The following SEMA4D variants were observed in gnomAD, a reference collection of about 807,000 sequenced individuals.
The protein encoded by SEMA4D is semaphorin 4D.
In SEMA4D, 22 loss-of-function variants were observed where a neutral mutation model predicts 74.8. That is an observed-to-expected ratio of 0.29 (90% confidence interval 0.21 to 0.42). The LOEUF (loss-of-function observed/expected upper bound fraction) is 0.42. Ranked by LOEUF, SEMA4D falls within the 10% of genes least tolerant of loss-of-function variation. The probability of loss-of-function intolerance (pLI) is 1.00; values close to 1 mark genes in which losing one functional copy is unlikely to be tolerated. For synonymous variants in SEMA4D, 445 were observed against 463.7 expected, an observed-to-expected ratio of 0.96 and a Z score of 0.52; for missense variants, 937 against 1,118.4, an observed-to-expected ratio of 0.84 and a Z score of 2.31.
chr9:89,392,190 G>A (rs185375791), intron 8 of SEMA4D, among the ~76,000 whole-genome samples: 80 of 152,264 alleles, frequency 5.3e-4, no homozygotes, highest in East Asian at 4.8e-3. Context: ...ATCCATTTTT[G>A]GGGGGTTAGT....
chr9:89,425,803 T>A (rs1847971382), intron 2 of SEMA4D, among the ~76,000 whole-genome samples: 1 of 152,188 alleles, frequency 6.6e-6, no homozygotes, highest in Admixed American at 6.5e-5. Context: ...AGAGGTGAGA[T>A]GCCCTCCCGG....
At chr9:89,405,939 A>G (rs139555057) in intron 2 of SEMA4D, 30,219 of 1,162,408 alleles carry the variant, frequency 0.026, 453 homozygotes, top group Non-Finnish European at 0.029. Flanking sequence ...CCCAGAACAC[A>G]GGACAGACAC....
downstream of SEMA4D, among the ~76,000 whole-genome samples, chr9:89,376,131 G>A (rs533677774): frequency 6.2e-4 from 94 of 152,258 alleles, no homozygotes; most frequent in Middle Eastern, 3.4e-3. Context: ...AATCTTTTCC[G>A]CTTTTAAATA....
At chr9:89,388,527 T>C in intron 11 of SEMA4D, 109 bp downstream of exon 11, 1 of 1,369,950 alleles carries the variant, frequency 7.3e-7, no homozygotes, top group African/African-American at 1.5e-5. Flanking sequence ...GCAGAGAGCC[T>C]TGGCGTGGCC....
chr9:89,417,059 T>C (rs1020585720), intron 2 of SEMA4D, among the ~76,000 whole-genome samples: 1 of 152,234 alleles, frequency 6.6e-6, no homozygotes, highest in African/African-American at 2.4e-5. Context: ...GGAATTCTCT[T>C]ACTGCTTAAT....
At chr9:89,463,092 C>T (rs1857747510) in intron 1 of SEMA4D, among the ~76,000 whole-genome samples, 1 of 151,448 alleles carries the variant, frequency 6.6e-6, no homozygotes, top group African/African-American at 2.4e-5. Flanking sequence ...ACCTAGAAGG[C>T]TTCTGGCACT....
chr9:89,434,148 G>T (rs1270914335), intron 2 of SEMA4D, among the ~76,000 whole-genome samples: 1 of 152,156 alleles, frequency 6.6e-6, no homozygotes, highest in African/African-American at 2.4e-5. Context: ...CTCAGCCCCG[G>T]AGCAGCAGTA....
chr9:89,389,346 G>A (rs1839293500), intron 9 of SEMA4D, among the ~76,000 whole-genome samples: 1 of 152,176 alleles, frequency 6.6e-6, no homozygotes, highest in Non-Finnish European at 1.5e-5. Context: ...ATTCAGTCCT[G>A]CAACCGCAGA....
chr9:89,496,387 A>T (rs1647174470), intron 1 of SEMA4D, among the ~76,000 whole-genome samples: 1 of 150,984 alleles, frequency 6.6e-6, no homozygotes, highest in African/African-American at 2.4e-5. Flanking sequence ...CCGTCTACCA[A>T]CTCCTAAGCG....
intron 2 of SEMA4D, among the ~76,000 whole-genome samples, chr9:89,412,274 G>C (rs1050469218): frequency 6.6e-6 from 1 of 152,220 alleles, no homozygotes; most frequent in African/African-American, 2.4e-5. Context: ...CCAGTGAAGA[G>C]AGATTGAAAA....
chr9:89,403,509 G>A (rs934186228), intron 3 of SEMA4D, among the ~76,000 whole-genome samples: 19 of 152,174 alleles, frequency 1.2e-4, no homozygotes, highest in South Asian at 4.1e-4. Flanking sequence ...TTCTTTTGGA[G>A]AATATATCCA....
At chr9:89,483,052 A>G (rs1392985510) in intron 1 of SEMA4D, among the ~76,000 whole-genome samples, 1 of 152,210 alleles carries the variant, frequency 6.6e-6, no homozygotes, top group Non-Finnish European at 1.5e-5. Flanking sequence ...TATTTTAAAA[A>G]TCGCCTTCTC....
chr9:89,497,582 C>G (rs1403503748), intron 1 of SEMA4D: 1 of 152,344 alleles, frequency 6.6e-6, no homozygotes, highest in African/African-American at 2.4e-5. Context: ...CCCCCGCTCC[C>G]CCGCGCCCAG....
intron 2 of SEMA4D, among the ~76,000 whole-genome samples, chr9:89,416,826 T>C (rs1408721234): frequency 1.3e-5 from 2 of 152,230 alleles, no homozygotes; most frequent in Non-Finnish European, 2.9e-5. Context: ...AGACCAAAAA[T>C]TGAAACCCAC....
intron 5 of SEMA4D, among the ~76,000 whole-genome samples, chr9:89,397,884 G>A (rs1319416406): frequency 6.6e-6 from 1 of 152,218 alleles, no homozygotes; most frequent in Non-Finnish European, 1.5e-5. Flanking sequence ...ATGGCTCAGA[G>A]GGTGATGAGG....
intron 12 of SEMA4D, 91 bp downstream of exon 12, chr9:89,387,295 C>T: frequency 1.8e-6 from 2 of 1,137,350 alleles, no homozygotes; most frequent in Non-Finnish European, 2.5e-6. Flanking sequence ...AATGGAACTA[C>T]TCACGAAAGA....
intron 9 of SEMA4D, among the ~76,000 whole-genome samples, chr9:89,390,758 G>C (rs1839695033): frequency 6.6e-6 from 1 of 152,174 alleles, no homozygotes; most frequent in Non-Finnish European, 1.5e-5. Flanking sequence ...GCAACCTTGA[G>C]ATTTCCTGTA....
At position 89,392,408 on chromosome 9, in the gene SEMA4D, A is replaced by G. The variant is rs763956179; in HGVS notation, c.622+15T>C. On this transcript the variant is annotated intron_variant, in intron 8 of 15. Transcript: ENST00000422704. ...AGACACGCACCTCCCACTAAGGTGC[A>G]CTGCTCTTCCTTACCGTTCAGCCAA... The G allele has an allele frequency of 3.8e-6, 6 of 1,560,626 alleles. No individual in the cohort carries two copies. The highest frequency in any genetic ancestry group is 1.8e-6 in the Non-Finnish European group (2 of 1,131,782).
At chr9:89,451,948 G>GCT (rs1854613189) in intron 2 of SEMA4D, among the ~76,000 whole-genome samples, 1 of 152,130 alleles carries the variant, frequency 6.6e-6, no homozygotes, top group Admixed American at 6.5e-5. Flanking sequence ...CACTTCTGGT[G>GCT]CTCTGTATCA....
Sources: gnomAD v4.1 joint callset for allele counts (sites outside exome capture counted in the v4.1 genomes callset) on GRCh38, gnomAD v4.1.1 for gene constraint, MANE v1.5 for transcripts, NCBI Gene and HGNC (gene_info 2026-07-23, HGNC 2026-07-21) for gene names.